The following SUN1 variants were observed in gnomAD, a reference collection of about 807,000 sequenced individuals.
The protein encoded by SUN1 is SUN domain-containing protein 1.
In SUN1, 61 loss-of-function variants were observed where a neutral mutation model predicts 103.2. That is an observed-to-expected ratio of 0.59 (90% CI 0.48 to 0.73). SUN1 has a LOEUF of 0.73. SUN1 is among the 30% of genes least tolerant of loss of function. SUN1 has a pLI of 0.00. For missense variants in SUN1, 1,052 were observed against 1,034.6 expected (o/e 1.02, Z -0.23); for synonymous variants, 490 against 425.7 (o/e 1.15, Z -1.86).
intron 17 of SUN1, among the ~76,000 whole-genome samples, chr7:870,705 TCTCA>T (rs1010359018): frequency 6.6e-6 from 1 of 152,130 alleles, no homozygotes; most frequent in Non-Finnish European, 1.5e-5. Context: ...CCGCTTCTCC[TCTCA>T]CTGAGTATTT....
chr7:821,368 C>T (rs1785825298), intron 1 of SUN1, among the ~76,000 whole-genome samples: 1 of 152,002 alleles, frequency 6.6e-6, no homozygotes, highest in African/African-American at 2.4e-5. Context: ...CAAGGTTTCA[C>T]CATGTTGGTC....
intron 15 of SUN1, 135 bp from the exon 16 acceptor site, chr7:865,817 C>A: frequency 1.5e-6 from 1 of 680,304 alleles, no homozygotes; most frequent in Non-Finnish European, 2.6e-6. Flanking sequence ...GTAGTTTTTA[C>A]TTGCATTTCT....
At chr7:869,286 C>A in intron 16 of SUN1, 63 bp from the exon 17 acceptor site, 1 of 1,545,102 alleles carries the variant, frequency 6.5e-7, no homozygotes, top group Middle Eastern at 1.7e-4. Flanking sequence ...CTTTCCTCTT[C>A]CTGCTGCTAA....
At chr7:868,359 G>A (rs997798569) in intron 16 of SUN1, 16 of 222,592 alleles carry the variant, frequency 7.2e-5, no homozygotes, top group Non-Finnish European at 1.3e-4. Context: ...TCGCAGGCCA[G>A]AGGCAGATGT....
rs766938748 is a variant in SUN1, at chr7:853,515, C to G, written c.1160C>G (p.Thr387Ser). 1 of 1,613,776 alleles carries G rather than the reference C, an allele frequency of 6.2e-7. No individual in the cohort carries two copies. Among genetic ancestry groups the G allele is most frequent in the Non-Finnish European group, 8.5e-7 (1 of 1,180,046 alleles). Residue 387 changes from threonine to serine, a missense_variant, in exon 10 of 19, where the codon ACC (threonine) becomes AGC (serine). Transcript: ENST00000401592. ...CATGGTGAGAATCTCCGAGAGCTGA[C>G]CACTTTGCTACAGAAGCTGCAGGCT... ...HHHGENLREL[T>S]TLLQKLQARV...
chr7:833,303 A>G (rs1470467970), intron 1 of SUN1: 1 of 85,078 alleles, frequency 1.2e-5, no homozygotes, highest in African/African-American at 4.9e-5. Flanking sequence ...TCAGTGGCTT[A>G]TCCTTTTTTT....
rs771625264 is a variant in SUN1, at chr7:860,384, TGAGTCGGC to T, written c.1779+12_1779+19del. 1.2e-6 allele frequency: 2 copies of T among 1,610,988 alleles called. No homozygotes were observed. The highest frequency in any genetic ancestry group is 1.3e-5 in the African/African-American group (1 of 74,858). On this transcript the variant is annotated splice_donor_5th_base_variant and intron_variant, in intron 14 of 18. Transcript: ENST00000401592. ...GGGGCGTCTGGAATAACAGAGGCGG[TGAGTCGGC>T]GAGTCGGCGGCAAGAGATGCTTACA... is the stretch of plus-strand genomic sequence containing the variant.
At chr7:847,514 G>A (rs1200671107) in intron 5 of SUN1, among the ~76,000 whole-genome samples, 4 of 93,052 alleles carry the variant, frequency 4.3e-5, no homozygotes, top group Non-Finnish European at 4.5e-5. Flanking sequence ...CAGCGGAGTT[G>A]GCGGCCTTCC....
At chr7:866,174 C>T (rs1437320940) in intron 16 of SUN1, 107 bp downstream of exon 16, 6 of 915,368 alleles carry the variant, frequency 6.6e-6, no homozygotes, top group Non-Finnish European at 1.0e-5. Flanking sequence ...ATGAACACGT[C>T]TGTGGAACTG....
chr7:872,737 TCA>T (rs1215001806), intron 18 of SUN1, among the ~76,000 whole-genome samples, 175 bp downstream of exon 18: 2 of 152,206 alleles, frequency 1.3e-5, no homozygotes, highest in East Asian at 3.8e-4. Flanking sequence ...AATAGCGTTC[TCA>T]GTTTTACCCG....
chr7:872,344 A>G (rs1305416143), intron 17 of SUN1, 126 bp from the exon 18 acceptor site: 1 of 741,374 alleles, frequency 1.3e-6, no homozygotes, highest in Non-Finnish European at 2.3e-6. Context: ...TGGAGGAATG[A>G]CCTTCTCTTA....
chr7:859,407 A>G (rs1830405123), intron 13 of SUN1, among the ~76,000 whole-genome samples: 1 of 152,196 alleles, frequency 6.6e-6, no homozygotes, highest in Non-Finnish European at 1.5e-5. Flanking sequence ...GAAATGAGCA[A>G]CCATGCCCTT....
intron 2 of SUN1, 87 bp from the exon 3 acceptor site, chr7:841,859 C>G: frequency 1.4e-6 from 2 of 1,401,950 alleles, no homozygotes. Flanking sequence ...TGTTTATTCC[C>G]AGATTAAGAG....
chr7:818,061 C>G (rs1438497521), intron 1 of SUN1, among the ~76,000 whole-genome samples: 1 of 151,978 alleles, frequency 6.6e-6, no homozygotes, highest in Non-Finnish European at 1.5e-5. Context: ...ATGGAGTATC[C>G]TCTCATTCAC....
At chr7:822,473 G>C (rs1160297332) in intron 1 of SUN1, among the ~76,000 whole-genome samples, 2 of 152,208 alleles carry the variant, frequency 1.3e-5, no homozygotes, top group African/African-American at 4.8e-5. Flanking sequence ...GGGTCCCTAC[G>C]GTGGGGAGAC....
In SUN1 at chr7:827,318, G is replaced by A. The variant is rs369788379; in HGVS notation, c.-74+10645G>A. ...TGGGATTATAGGTGTCAGCCACTGT[G>A]CCTGGCCAGACCCATTTAGTTTTGT... On this transcript the variant is annotated intron_variant, in intron 1 of 17. Coordinates refer to the SUN1 transcript ENST00000389574. 2.5e-3 allele frequency among the ~76,000 whole-genome samples: 377 copies of A among 152,246 alleles called. 16 individuals carry two copies. In the South Asian group the frequency reaches 0.076, roughly 31 times the overall value.
intron 13 of SUN1, among the ~76,000 whole-genome samples, chr7:859,026 G>T (rs1013882617): frequency 2.0e-5 from 3 of 152,070 alleles, no homozygotes; most frequent in Non-Finnish European, 4.4e-5. Context: ...GGTGGTGGGT[G>T]CCTGTAATCT....
At chr7:825,183 C>T (rs965903985) in intron 1 of SUN1, among the ~76,000 whole-genome samples, 4 of 151,982 alleles carry the variant, frequency 2.6e-5, no homozygotes, top group East Asian at 1.9e-4. Context: ...CTCAGCCTCC[C>T]GAGTAGCTGG....
At chr7:828,740 G>A (rs1458449234), upstream of SUN1, among the ~76,000 whole-genome samples, 1 of 152,206 alleles carries the variant, frequency 6.6e-6, no homozygotes, top group Non-Finnish European at 1.5e-5. Context: ...GGCATCCCTG[G>A]CCGCTGTCTC....
Sources: allele counts gnomAD v4.1 joint callset (sites outside exome capture counted in the v4.1 genomes callset), GRCh38; gene constraint gnomAD v4.1.1; transcripts MANE v1.5; gene names NCBI Gene and HGNC (gene_info 2026-07-23, HGNC 2026-07-21).